Variants in UBXN11 observed in about 807,000 individuals in gnomAD.
UBXN11 encodes the protein UBX domain-containing protein 11.
In UBXN11, 47 loss-of-function variants were observed where a neutral mutation model predicts 62.8. The ratio of observed to expected loss-of-function variants is 0.75; its 90% CI spans 0.59 to 0.95. The LOEUF is 0.95. Ranked by LOEUF, UBXN11 falls within the 40% of genes least tolerant of loss-of-function variation. UBXN11 has a pLI of 0.00. For synonymous variants in UBXN11, 294 were observed against 267.0 expected, an observed-to-expected ratio of 1.10 and a Z score of -0.99; for missense variants, 638 against 661.7, an observed-to-expected ratio of 0.96 and a Z score of 0.39.
Position 26,284,802 on chromosome 1 carries a change from C to G in UBXN11, c.853-320G>C, listed in dbSNP as rs2073088671. The G allele has an allele frequency of 4.5e-6, 5 of 1,113,802 alleles. No individual in the cohort carries two copies. The East Asian group carries it at 2.7e-4, about 59-fold the overall frequency. The allele number at this position is 1,113,802 out of a possible 1,614,324, so 69.0% of individuals were successfully genotyped here. ...GAGAGGACAAAGCCCCTGCTTTTTTCCAGTCTGCAGCACAAACCGCATCAT... is the reference window on the plus strand; with the variant it reads ...GAGAGGACAAAGCCCCTGCTTTTTTGCAGTCTGCAGCACAAACCGCATCAT... On this transcript the variant is annotated intron_variant, in intron 10 of 14. Coordinates refer to ENST00000374222, the MANE Select transcript of UBXN11 (RefSeq NM_001389556.1).
At chr1:26,310,460 C>T (rs1042221027), upstream of UBXN11, among the ~76,000 whole-genome samples, 5 of 151,540 alleles carry the variant, frequency 3.3e-5, no homozygotes, top group Non-Finnish European at 2.9e-5. Flanking sequence ...ATCACTTGAA[C>T]CCAGCAGTCG....
At position 26,285,550 on chromosome 1, in the gene UBXN11, GA is replaced by G. The variant is rs1557680260; in HGVS notation, c.775-10del. The stretch of plus-strand genomic sequence containing the variant: ...ATGTCTCGGAGGCAGCGCTGCAAGG[GA>G]AGAGGAAAAGTGAGGGGGTGGCCTG... On this transcript the variant is annotated splice_polypyrimidine_tract_variant and intron_variant, in intron 9 of 14. Transcript: ENST00000374222. 6.4e-7 allele frequency: 1 copy of G among 1,570,262 alleles called. No individual in the cohort carries two copies. Among genetic ancestry groups the G allele is most frequent in the Non-Finnish European group, 8.7e-7 (1 of 1,153,574 alleles).
upstream of UBXN11, among the ~76,000 whole-genome samples, chr1:26,311,263 C>T (rs762193301): frequency 2.6e-5 from 4 of 151,918 alleles, no homozygotes; most frequent in Non-Finnish European, 5.9e-5. Context: ...CTCAGCCTCC[C>T]GAGTAGCTGC....
At chr1:26,312,095 A>G (rs2073749823) in intron 1 of UBXN11, among the ~76,000 whole-genome samples, 1 of 152,066 alleles carries the variant, frequency 6.6e-6, no homozygotes, top group South Asian at 2.1e-4. Context: ...CAATGAGAAC[A>G]TCCTCTCTTG....
At chr1:26,312,102 C>T (rs72872967) in intron 1 of UBXN11, among the ~76,000 whole-genome samples, 1 of 152,088 alleles carries the variant, frequency 6.6e-6, no homozygotes, top group African/African-American at 2.4e-5. Flanking sequence ...AACATCCTCT[C>T]TTGCCTTTTC....
chr1:26,316,856 T>TCCCTCGC (rs1189076718), intron 1 of UBXN11, among the ~76,000 whole-genome samples: 5 of 151,592 alleles, frequency 3.3e-5, no homozygotes. Context: ...ACTTGTCCCT[T>TCCCTCGC]CCCTCGCTCC....
intron 1 of UBXN11, among the ~76,000 whole-genome samples, chr1:26,317,743 C>T (rs1410204693): frequency 2.6e-5 from 4 of 152,254 alleles, no homozygotes; most frequent in East Asian, 1.9e-4. Flanking sequence ...TTACTCCCAC[C>T]GTTGCCTCTG....
chr1:26,317,992 A>G, intron 1 of UBXN11: 1 of 1,612,794 alleles, frequency 6.2e-7, no homozygotes, highest in South Asian at 1.1e-5. Flanking sequence ...AGCTGCTACC[A>G]AGACAGCCAC....
intron 1 of UBXN11, among the ~76,000 whole-genome samples, chr1:26,303,405 G>A (rs1327886011): frequency 2.6e-5 from 4 of 151,916 alleles, no homozygotes; most frequent in Non-Finnish European, 4.4e-5. Context: ...TGGGTGGATC[G>A]CCTGAGGTCA....
chr1:26,291,400 A>C (rs1209925418), intron 8 of UBXN11, among the ~76,000 whole-genome samples: 1 of 152,210 alleles, frequency 6.6e-6, no homozygotes, highest in Non-Finnish European at 1.5e-5. Flanking sequence ...TCAAAGAACA[A>C]AAGAAGGAAG....
At chr1:26,306,940 G>A (rs925447362), upstream of UBXN11, 1 of 151,340 alleles carries the variant, frequency 6.6e-6, no homozygotes, top group African/African-American at 2.4e-5. Flanking sequence ...GTGTGATCCC[G>A]ACAGTGCCGC....
At chr1:26,285,577 G>A in intron 9 of UBXN11, 36 bp from the exon 10 acceptor site, 1 of 1,521,926 alleles carries the variant, frequency 6.6e-7, no homozygotes, top group Non-Finnish European at 8.9e-7. Context: ...GGGTGGCCTG[G>A]GCCTTGGGCC....
chr1:26,308,377 T>A, upstream of UBXN11, among the ~76,000 whole-genome samples: 1 of 152,104 alleles, frequency 6.6e-6, no homozygotes, highest in Admixed American at 6.6e-5. Flanking sequence ...AGAAGTGGAT[T>A]CAAACCCAGA....
chr1:26,301,106 G>T, intron 3 of UBXN11, 82 bp from the exon 4 acceptor site: 1 of 1,606,032 alleles, frequency 6.2e-7, no homozygotes, highest in Non-Finnish European at 8.5e-7. Flanking sequence ...CCAGTGTGAC[G>T]CGGCCTATGC....
intron 8 of UBXN11, among the ~76,000 whole-genome samples, chr1:26,290,456 G>C (rs1359318874): frequency 1.3e-5 from 2 of 152,202 alleles, no homozygotes; most frequent in African/African-American, 4.8e-5. Context: ...GGCAGTCAGA[G>C]TTTGCTGGCG....
chr1:26,301,775 G>T (rs982625013), intron 2 of UBXN11, 53 bp from the exon 3 acceptor site: 2 of 1,608,934 alleles, frequency 1.2e-6, no homozygotes, highest in African/African-American at 2.7e-5. Flanking sequence ...CCCCTGGAAT[G>T]ATACCAGGGA....
chr1:26,284,460 A>G lies in UBXN11; in HGVS notation c.875T>C (p.Val292Ala). Residue 292 changes from valine (V) to alanine (A), a missense_variant, in exon 11 of 15, where the codon GTC (valine) becomes GCC (alanine). Val to Ala is a moderately conservative substitution (Grantham distance 64). Transcript: ENST00000374222. ...GGGGTCCAGTCCATCCTCCAGGTAGACCTGATTGCGCAAGTCACTCACCTG... is the reference window on the plus strand; with the variant it reads ...GGGGTCCAGTCCATCCTCCAGGTAGGCCTGATTGCGCAAGTCACTCACCTG... ...PFKVSDLRNQ[V>A]YLEDGLDPFP... 6.2e-7 allele frequency: 1 copy of G among 1,608,348 alleles called. No individual in the cohort carries two copies. The highest frequency in any genetic ancestry group is 8.5e-7 in the Non-Finnish European group (1 of 1,176,194).
chr1:26,298,709 G>A (rs543467470), intron 4 of UBXN11, among the ~76,000 whole-genome samples: 5 of 151,044 alleles, frequency 3.3e-5, no homozygotes, highest in East Asian at 1.9e-4. Flanking sequence ...CCCAGGAGGC[G>A]GAGGTTGCAG....
rs1238356926 is a variant in UBXN11, at chr1:26,285,988, G to A, written c.609C>T (p.Ser203=). 1 of 1,612,386 alleles carries A rather than the reference G, an allele frequency of 6.2e-7. No individual in the cohort carries two copies. The highest frequency in any genetic ancestry group is 1.3e-5 in the African/African-American group (1 of 74,910). ...CCACCAGCTCACTAAGATCCTGCAG[G>A]CTGGCCAGCAGCCTGTCAAAGTCCA... The part of the protein sequence containing the change: ...PEVDFDRLLA[S]LQDLSELVVE... The change falls in exon 9 of 15, where the codon AGC becomes AGT. Residue 203 remains serine, a synonymous_variant. Transcript: ENST00000374222.
Sources: gnomAD v4.1 joint callset for allele counts (sites outside exome capture counted in the v4.1 genomes callset) on GRCh38, gnomAD v4.1.1 for gene constraint, MANE v1.5 for transcripts, NCBI Gene and HGNC (gene_info 2026-07-23, HGNC 2026-07-21) for gene names.